The following CCDC3 variants were observed in gnomAD, a reference collection of about 807,000 sequenced individuals.
CCDC3 encodes coiled-coil domain-containing protein 3.
A neutral mutation model predicts 21.4 loss-of-function variants in CCDC3; 24 were observed. That is an observed-to-expected ratio of 1.12 (90% CI 0.81 to 1.58). CCDC3 has a LOEUF of 1.58. Among genes scored for constraint, CCDC3 ranks in the 40% most tolerant of loss-of-function variants. The pLI is 0.00. For synonymous variants in CCDC3, 186 were observed against 166.0 expected, an observed-to-expected ratio of 1.12 and a Z score of -0.93; for missense variants, 425 against 360.9, an observed-to-expected ratio of 1.18 and a Z score of -1.44.
intron 2 of CCDC3, among the ~76,000 whole-genome samples, chr10:12,988,229 C>G (rs1466510562): frequency 6.6e-6 from 1 of 152,190 alleles, no homozygotes; most frequent in Non-Finnish European, 1.5e-5. Flanking sequence ...GGGCCAATTG[C>G]AATGGCTTCT....
upstream of CCDC3, chr10:13,001,716 C>G: frequency 4.5e-6 from 2 of 445,532 alleles, no homozygotes; most frequent in Non-Finnish European, 6.1e-6. Flanking sequence ...CTCGGCATGC[C>G]CGGCCCTGGC....
intron 2 of CCDC3, among the ~76,000 whole-genome samples, chr10:12,986,799 C>CA (rs920598294): frequency 3.3e-5 from 5 of 149,572 alleles, no homozygotes; most frequent in Admixed American, 3.3e-4. Flanking sequence ...AAAACAAAAA[C>CA]AAAAACAAAA....
chr10:12,898,134 T>G lies in CCDC3; in HGVS notation c.*282A>C. 1 of 460,098 alleles carries G rather than the reference T, an allele frequency of 2.2e-6. No homozygotes were observed. The highest frequency in any genetic ancestry group is 3.9e-6 in the Non-Finnish European group (1 of 259,634). The allele number at this position is 460,098 out of a possible 1,614,324, so 28.5% of individuals were successfully genotyped here. A position where few individuals can be genotyped will look rare whatever the true frequency, so the allele number is the denominator to read the frequency against. On this transcript the variant is annotated 3_prime_UTR_variant, in exon 3 of 3. Transcript: ENST00000378825. ...TCCCCAGTCAGGGCTCTTTCTGGGC[T>G]GCTCTGCAGGCGAGCATTCAGCACT...
intron 2 of CCDC3, among the ~76,000 whole-genome samples, chr10:12,913,630 G>A (rs2131206749): frequency 6.6e-6 from 1 of 152,322 alleles, no homozygotes; most frequent in East Asian, 1.9e-4. Context: ...GAATAGAAGT[G>A]GTAAGAGTGA....
At chr10:13,062,223 G>T (rs1334272206) in intron 4 of CCDC3, among the ~76,000 whole-genome samples, 1 of 152,120 alleles carries the variant, frequency 6.6e-6, no homozygotes, top group African/African-American at 2.4e-5. Flanking sequence ...TTAGTCCTCA[G>T]TCTGAATATA....
chr10:13,096,260 C>A (rs562122849), intron 3 of CCDC3, among the ~76,000 whole-genome samples: 1 of 151,650 alleles, frequency 6.6e-6, no homozygotes, highest in African/African-American at 2.4e-5. Flanking sequence ...CTTGGCTCAG[C>A]GCAACCTTTG....
chr10:12,902,743 C>A (rs778560302), intron 2 of CCDC3, among the ~76,000 whole-genome samples: 24 of 152,134 alleles, frequency 1.6e-4, no homozygotes, highest in Non-Finnish European at 2.9e-4. Context: ...TTCTAAGACA[C>A]AACACTCTTC....
At chr10:12,924,922 G>A (rs1834511372) in intron 2 of CCDC3, 1 of 152,260 alleles carries the variant, frequency 6.6e-6, no homozygotes, top group African/African-American at 2.4e-5. Flanking sequence ...CGAGTAGTTA[G>A]AGAATTTCTA....
chr10:12,900,909 T>C (rs1039024313), intron 2 of CCDC3, among the ~76,000 whole-genome samples: 8 of 152,204 alleles, frequency 5.3e-5, no homozygotes, highest in East Asian at 1.9e-4. Context: ...TACTAAAGGA[T>C]TGATTTCCCC....
chr10:12,993,456 C>T (rs1030101799), intron 2 of CCDC3, among the ~76,000 whole-genome samples: 1 of 152,178 alleles, frequency 6.6e-6, no homozygotes, highest in African/African-American at 2.4e-5. Flanking sequence ...AAAATGATAG[C>T]AAGATCTCCA....
At chr10:13,004,632 CA>C (rs1157945359), upstream of CCDC3, among the ~76,000 whole-genome samples, 1 of 143,020 alleles carries the variant, frequency 7.0e-6, no homozygotes, top group Non-Finnish European at 1.5e-5. Flanking sequence ...ACTAGTTCCC[CA>C]GGTGAATGGG....
chr10:12,943,525 G>A (rs1047807161), intron 2 of CCDC3, among the ~76,000 whole-genome samples: 1 of 152,224 alleles, frequency 6.6e-6, no homozygotes, highest in Non-Finnish European at 1.5e-5. Flanking sequence ...ATACTTGGAA[G>A]CCAGGTATAT....
intron 4 of CCDC3, among the ~76,000 whole-genome samples, chr10:13,068,190 CTATTT>C (rs1315912500): frequency 6.6e-6 from 1 of 152,088 alleles, no homozygotes; most frequent in African/African-American, 2.4e-5. Context: ...CCAGTCATGC[CTATTT>C]TATTAGGCCT....
At chr10:13,031,512 A>T (rs1836300163) in intron 5 of CCDC3, among the ~76,000 whole-genome samples, 1 of 152,212 alleles carries the variant, frequency 6.6e-6, no homozygotes, top group South Asian at 2.1e-4. Context: ...GAACTGAAGG[A>T]GATAGAGACA....
intron 3 of CCDC3, among the ~76,000 whole-genome samples, chr10:13,088,752 G>A (rs1443904506): frequency 1.3e-5 from 2 of 152,232 alleles, no homozygotes; most frequent in African/African-American, 4.8e-5. Context: ...GCTGGGCGCA[G>A]TGGCTCACGC....
chr10:13,021,923 C>T (rs377615956), intron 5 of CCDC3, among the ~76,000 whole-genome samples: 6 of 152,192 alleles, frequency 3.9e-5, no homozygotes, highest in African/African-American at 1.4e-4. Flanking sequence ...CCATGCCCAG[C>T]TAATTTTTCT....
intron 5 of CCDC3, among the ~76,000 whole-genome samples, chr10:13,040,590 T>A (rs938011109): frequency 6.6e-6 from 1 of 151,996 alleles, no homozygotes; most frequent in Non-Finnish European, 1.5e-5. Flanking sequence ...CTCAGGAAGC[T>A]GAGGCAGGAG....
chr10:13,090,666 G>A (rs1014570783), intron 3 of CCDC3, among the ~76,000 whole-genome samples: 3 of 152,124 alleles, frequency 2.0e-5, no homozygotes, highest in Non-Finnish European at 4.4e-5. Flanking sequence ...ATCTGCTAGG[G>A]TCTAAATGTT....
At chr10:13,016,348 A>AC (rs1382769205) in intron 5 of CCDC3, among the ~76,000 whole-genome samples, 4 of 151,788 alleles carry the variant, frequency 2.6e-5, no homozygotes, top group Non-Finnish European at 5.9e-5. Context: ...AAAAAAAAAA[A>AC]AAAACACAAC....
Sources: gnomAD v4.1 joint callset for allele counts (sites outside exome capture counted in the v4.1 genomes callset) on GRCh38, gnomAD v4.1.1 for gene constraint, MANE v1.5 for transcripts, NCBI Gene and HGNC (gene_info 2026-07-23, HGNC 2026-07-21) for gene names.